Variants in KCTD8 observed in about 807,000 individuals in gnomAD.
KCTD8 encodes potassium channel tetramerization domain containing 8.
In KCTD8, 27 loss-of-function variants were observed where a neutral mutation model predicts 31.5. The observed-to-expected ratio is 0.86, with a 90% CI of 0.63 to 1.18. The LOEUF is 1.18. KCTD8 is among the 50% of genes most tolerant of loss of function. KCTD8 has a pLI of 0.00. For synonymous variants in KCTD8, 290 were observed against 280.0 expected (o/e 1.04, Z -0.36); for missense variants, 658 against 647.7 (o/e 1.02, Z -0.17).
At chr4:44,268,630 T>C (rs932850224) in intron 1 of KCTD8, among the ~76,000 whole-genome samples, 5 of 152,240 alleles carry the variant, frequency 3.3e-5, no homozygotes, top group East Asian at 3.9e-4. Context: ...GACATGATTG[T>C]ATATCTAGAA....
At chr4:44,198,335 T>A (rs1038958854) in intron 1 of KCTD8, among the ~76,000 whole-genome samples, 9 of 152,144 alleles carry the variant, frequency 5.9e-5, no homozygotes, top group South Asian at 2.1e-4. Context: ...AAGGTGACCA[T>A]CCCTATAGCA....
intron 1 of KCTD8, among the ~76,000 whole-genome samples, chr4:44,284,644 T>C (rs1717001971): frequency 6.6e-6 from 1 of 152,098 alleles, no homozygotes; most frequent in African/African-American, 2.4e-5. Context: ...ACTAAAGAGC[T>C]TCTGCACAGC....
intron 1 of KCTD8, among the ~76,000 whole-genome samples, chr4:44,181,200 ACGGTCTCCCTCTCCCTCTCTTT>A (rs1713374959): frequency 2.3e-5 from 2 of 88,602 alleles, no homozygotes; most frequent in African/African-American, 9.2e-5. Context: ...CTCTCTTTCC[ACGGTCTCCCTCTCCCTCTCTTT>A]CCACGGTCTC....
chr4:44,243,656 C>T (rs1258304564), intron 1 of KCTD8, among the ~76,000 whole-genome samples: 1 of 152,136 alleles, frequency 6.6e-6, no homozygotes, highest in African/African-American at 2.4e-5. Flanking sequence ...AAATGTGACT[C>T]AGAGATGTTA....
chr4:44,406,079 T>C (rs541166172), intron 1 of KCTD8, among the ~76,000 whole-genome samples: 2 of 152,248 alleles, frequency 1.3e-5, no homozygotes, highest in East Asian at 3.9e-4. Context: ...TCTTTCTTTA[T>C]AATATCCTGG....
intron 1 of KCTD8, among the ~76,000 whole-genome samples, chr4:44,233,173 A>G (rs746483496): frequency 6.6e-6 from 1 of 152,160 alleles, no homozygotes; most frequent in Non-Finnish European, 1.5e-5. Flanking sequence ...AAAGTCAAAA[A>G]TAATGTATGT....
rs149408991 is a variant in KCTD8, at chr4:44,265,277, A to C, written c.962-90027T>G. ...CAGACACCGCTGCTGACACCCAGGC[A>C]AACAGGGTCTGGAGTGGACCTCTAG... On this transcript the variant is annotated intron_variant, in intron 1 of 1. Coordinates refer to ENST00000360029, the MANE Select transcript of KCTD8 (RefSeq NM_198353.3). 9.1e-3 allele frequency among the ~76,000 whole-genome samples: 1,389 copies of C among 152,278 alleles called. 12 individuals are homozygous for C. Among genetic ancestry groups the C allele is most frequent in the Middle Eastern group, 0.024 (7 of 294 alleles).
chr4:44,400,266 A>G (rs1026165372), intron 1 of KCTD8, among the ~76,000 whole-genome samples: 5 of 152,194 alleles, frequency 3.3e-5, no homozygotes, highest in Non-Finnish European at 7.3e-5. Flanking sequence ...AATCAGAGAT[A>G]AGATATTTAA....
At chr4:44,406,717 A>C (rs936792548) in intron 1 of KCTD8, among the ~76,000 whole-genome samples, 2 of 152,178 alleles carry the variant, frequency 1.3e-5, no homozygotes, top group Admixed American at 6.5e-5. Flanking sequence ...TAGGAATGAC[A>C]ACCTTGACCA....
chr4:44,323,506 C>CCG (rs1553901400), intron 1 of KCTD8, among the ~76,000 whole-genome samples: 1 of 134,668 alleles, frequency 7.4e-6, no homozygotes, highest in Non-Finnish European at 1.6e-5. Context: ...ACCCACCCCC[C>CCG]CCCAAAAAAA....
At chr4:44,389,705 G>A (rs537687898) in intron 1 of KCTD8, among the ~76,000 whole-genome samples, 30 of 151,934 alleles carry the variant, frequency 2.0e-4, no homozygotes, top group African/African-American at 7.2e-4. Flanking sequence ...TTACTGAACT[G>A]TATGCTTAAA....
chr4:44,362,691 T>G (rs948840379), intron 1 of KCTD8, among the ~76,000 whole-genome samples: 2 of 151,886 alleles, frequency 1.3e-5, no homozygotes, highest in Non-Finnish European at 2.9e-5. Context: ...TACAGAGAAT[T>G]TACTCAGCTT....
chr4:44,220,040 T>C (rs559964030), intron 1 of KCTD8, among the ~76,000 whole-genome samples: 189 of 152,336 alleles, frequency 1.2e-3, no homozygotes, highest in Non-Finnish European at 1.7e-3. Context: ...ATCTGAATAG[T>C]AAAGCAGGAA....
At chr4:44,362,378 A>G (rs1185179281) in intron 1 of KCTD8, among the ~76,000 whole-genome samples, 1 of 152,162 alleles carries the variant, frequency 6.6e-6, no homozygotes, top group Admixed American at 6.6e-5. Context: ...CAACTTGGGT[A>G]TTTTAGTGTC....
chr4:44,265,333 C>T (rs1716312636), intron 1 of KCTD8, among the ~76,000 whole-genome samples: 1 of 152,134 alleles, frequency 6.6e-6, no homozygotes, highest in African/African-American at 2.4e-5. Context: ...GCTGAGGGTA[C>T]TGTATGTTAG....
chr4:44,322,655 C>A (rs1409951036), intron 1 of KCTD8, among the ~76,000 whole-genome samples: 2 of 152,036 alleles, frequency 1.3e-5, no homozygotes, highest in African/African-American at 2.4e-5. Context: ...CCCAAAAAAT[C>A]TTTGCCCAGG....
In KCTD8 at chr4:44,200,304, T is replaced by G. The variant is rs867682618; in HGVS notation, c.962-25054A>C. Among the ~76,000 whole-genome samples the G allele has an allele frequency of 7.9e-5, 12 of 151,916 alleles. No individual in the cohort carries two copies. In the South Asian group the frequency reaches 2.5e-3, roughly 32 times the overall value. ...GAAGGAGGGGCTCCTCCCTAACATA[T>G]TCTATGAAGCCAGTATCATCCTGAC... On this transcript the variant is annotated intron_variant, in intron 1 of 1. Transcript: ENST00000360029.
At chr4:44,334,791 T>C (rs993345359) in intron 1 of KCTD8, among the ~76,000 whole-genome samples, 17 of 152,138 alleles carry the variant, frequency 1.1e-4, no homozygotes, top group Non-Finnish European at 2.5e-4. Flanking sequence ...TCATGAATTA[T>C]AAGCCCATTA....
At chr4:44,378,337 T>A (rs1009349020) in intron 1 of KCTD8, among the ~76,000 whole-genome samples, 2 of 150,550 alleles carry the variant, frequency 1.3e-5, no homozygotes, top group Non-Finnish European at 3.0e-5. Flanking sequence ...CTGAATAGCA[T>A]GTTATGAGAT....
Sources: allele counts gnomAD v4.1 joint callset (sites outside exome capture counted in the v4.1 genomes callset), GRCh38; gene constraint gnomAD v4.1.1; transcripts MANE v1.5; gene names NCBI Gene and HGNC (gene_info 2026-07-23, HGNC 2026-07-21).